The following JAG1 variants were observed in gnomAD, a reference collection of about 807,000 sequenced individuals.
JAG1 encodes the protein protein jagged-1.
JAG1 carries 23 observed loss-of-function variants against 148.7 expected under a neutral mutation model. That is an observed-to-expected ratio of 0.15 (90% confidence interval 0.11 to 0.22). The LOEUF is 0.22. Among genes scored for constraint, JAG1 ranks in the 10% least tolerant of loss-of-function variants. JAG1 has a pLI of 1.00. For synonymous variants in JAG1, 572 were observed against 598.3 expected (o/e 0.96, Z 0.64); for missense variants, 1,054 against 1,611.2 (o/e 0.65, Z 5.92).
chr20:10,656,541 A>C, intron 4 of JAG1, 83 bp from the exon 5 acceptor site: 1 of 1,198,598 alleles, frequency 8.3e-7, no homozygotes, highest in Non-Finnish European at 1.2e-6. Context: ...ATTGCATTAA[A>C]GTCTGCAAAT....
chr20:10,668,133 G>T (rs1288649087), intron 2 of JAG1, among the ~76,000 whole-genome samples: 1 of 149,332 alleles, frequency 6.7e-6, no homozygotes, highest in African/African-American at 2.5e-5. Context: ...TCACAGGGCT[G>T]CTGTGGTCCA....
rs189645892 is a variant in JAG1, at chr20:10,670,335, T to A, written c.387+2366A>T. ...TCATGCAAATGGTAATTGTGCCTGC[T>A]AGGGGTTGGGAGCCCAAGGTGGTTT... On this transcript the variant is annotated intron_variant, in intron 2 of 25. Transcript: ENST00000254958. Among the ~76,000 whole-genome samples the A allele has an allele frequency of 3.0e-3, 455 of 152,338 alleles. 1 individual carries two copies. The highest frequency in any genetic ancestry group is 0.01 in the Middle Eastern group (3 of 294).
At position 10,649,651 on chromosome 20, in the gene JAG1, GATGAGC is replaced by G; in HGVS notation, c.1235-22_1235-17del. The G allele has an allele frequency of 1.4e-6, 2 of 1,474,956 alleles. No homozygotes were observed. The highest frequency in any genetic ancestry group is 1.9e-6 in the Non-Finnish European group (2 of 1,053,758). The allele number at this position is 1,474,956 out of a possible 1,614,324, so 91.4% of individuals were successfully genotyped here. On this transcript the variant is annotated splice_polypyrimidine_tract_variant and intron_variant, in intron 9 of 25. Transcript: ENST00000254958. ...TCATTTGCATCTGAAAGGAGATGGG[GATGAGC>G]ATGAGAAATGAAGTTCAACCCCCAT...
chr20:10,664,373 A>AACCAC (rs2067437859), intron 2 of JAG1, among the ~76,000 whole-genome samples: 1 of 144,594 alleles, frequency 6.9e-6, no homozygotes, highest in South Asian at 2.3e-4. Flanking sequence ...TGCATGAGGA[A>AACCAC]ACACACACAC....
Position 10,673,535 on chromosome 20 carries a change from GCGCCGCGCGCCGCGGGCACTCGGGA to G in JAG1, c.-30_-6del. The G allele has an allele frequency of 8.1e-7, 1 of 1,238,158 alleles. No homozygotes were observed. The highest frequency in any genetic ancestry group is 1.0e-6 in the Non-Finnish European group (1 of 983,076). The allele number at this position is 1,238,158 out of a possible 1,614,324, so 76.7% of individuals were successfully genotyped here. A position where few individuals can be genotyped will look rare whatever the true frequency, so the allele number is the denominator to read the frequency against. ...GCGCGTCCGTGGGGAACGCATCGCT[GCGCCGCGCGCCGCGGGCACTCGGGA>G]CGCCGCCGCTGCTGTTCGCGCTGGT... is the stretch of plus-strand genomic sequence containing the variant. On this transcript the variant is annotated 5_prime_UTR_variant, in exon 1 of 26. Coordinates refer to ENST00000254958, the MANE Select transcript of JAG1 (RefSeq NM_000214.3). This position sits in a 1 kb window ranked among gnomAD's most constrained non-coding sequence, Gnocchi z 4.7.
chr20:10,641,621 G>A lies in JAG1; in HGVS notation c.2755C>T (p.Pro919Ser). 1 of 1,614,034 alleles carries A rather than the reference G, an allele frequency of 6.2e-7. No homozygotes were observed. The highest frequency in any genetic ancestry group is 8.5e-7 in the Non-Finnish European group (1 of 1,180,026). Residue 919 changes from proline (P) to serine (S), a missense_variant, in exon 23 of 26, where the codon CCC (proline) becomes TCC (serine). Physicochemically the swap from Pro to Ser is moderately conservative, Grantham distance 74 (BLOSUM62 -1). Around this residue, in one of 6 missense-constraint regions of JAG1, gnomAD observed 342 missense variants for 514.6 expected, o/e 0.66. Transcript: ENST00000254958. ...ACGAAGCACTGGTCGTCCAGGATGG[G>A]GATGCAGCTCTGCCCGCTGGGGCAC... ...SECPSGQSCI[P>S]ILDDQCFVHP...
chr20:10,643,866 A>G lies in JAG1; in HGVS notation c.2373-3T>C. On this transcript the variant is annotated splice_polypyrimidine_tract_variant and splice_region_variant and intron_variant, in intron 19 of 25. Coordinates refer to ENST00000254958, the MANE Select transcript of JAG1 (RefSeq NM_000214.3). ...CCACACAGGTGCCGCTGTTGTAACT[A>G]AGAAAGCAAAGACCACCTTGGTTAC... 1 of 1,612,734 alleles carries G rather than the reference A, an allele frequency of 6.2e-7. No homozygotes were observed. The highest frequency in any genetic ancestry group is 8.5e-7 in the Non-Finnish European group (1 of 1,178,974).
intron 3 of JAG1, among the ~76,000 whole-genome samples, chr20:10,660,702 G>A (rs879345466): frequency 9.2e-5 from 14 of 152,236 alleles, no homozygotes; most frequent in Admixed American, 2.6e-4. Context: ...TGCTCAGGGA[G>A]GGGGTCGAGC....
chr20:10,642,672 A>T, intron 20 of JAG1, 71 bp from the exon 21 acceptor site: 1 of 891,660 alleles, frequency 1.1e-6, no homozygotes, highest in Non-Finnish European at 1.9e-6. Flanking sequence ...TTTTATTGAC[A>T]TAACATACAA....
chr20:10,648,482 A>C, intron 12 of JAG1, 67 bp downstream of exon 12: 1 of 1,306,374 alleles, frequency 7.7e-7, no homozygotes, highest in Non-Finnish European at 1.1e-6. Context: ...GGAAAAGTAA[A>C]GGGAAGCGGA....
rs2067305420 is a variant in JAG1 at position 10,645,904 on chromosome 20, C to T, written c.1999+67G>A. Reference sequence around the variant, plus strand: ...TTCCAGTACAAAGAAAGTTTTCCCACGTTGAAGTGGGATCCCTCCAACATG... The same window carrying T: ...TTCCAGTACAAAGAAAGTTTTCCCATGTTGAAGTGGGATCCCTCCAACATG... On this transcript the variant is annotated intron_variant, in intron 15 of 25. Coordinates refer to ENST00000254958, the MANE Select transcript of JAG1 (RefSeq NM_000214.3). The surrounding 1 kb of genome is among the most constrained non-coding windows in gnomAD (Gnocchi z 6.1). 1.3e-5 allele frequency: 14 copies of T among 1,103,988 alleles called. No individual in the cohort carries two copies. The highest frequency in any genetic ancestry group is 7.1e-5 in the East Asian group (3 of 42,512). The allele number at this position is 1,103,988 out of a possible 1,614,324, so 68.4% of individuals were successfully genotyped here. A position where few individuals can be genotyped will look rare whatever the true frequency, so the allele number is the denominator to read the frequency against.
At chr20:10,640,209 T>C (rs2067260866) in intron 25 of JAG1, among the ~76,000 whole-genome samples, 1 of 152,222 alleles carries the variant, frequency 6.6e-6, no homozygotes, top group African/African-American at 2.4e-5. Context: ...CTACAGGCTC[T>C]TTGACTTCGC....
In JAG1 at chr20:10,645,313, G is replaced by T. The variant is rs781393382; in HGVS notation, c.2113+43C>A. 6.2e-7 allele frequency: 1 copy of T among 1,605,840 alleles called. No homozygotes were observed. Among genetic ancestry groups the T allele is most frequent in the South Asian group, 1.1e-5 (1 of 90,920 alleles). On this transcript the variant is annotated intron_variant, in intron 16 of 25. Coordinates refer to ENST00000254958, the MANE Select transcript of JAG1 (RefSeq NM_000214.3). This position sits in a 1 kb window ranked among gnomAD's most constrained non-coding sequence, Gnocchi z 6.1. ...TGGCCCCCTCCCACAGAAGACAGAGGGAAGGGTCCCAGAGATAGCATCCAA... is the reference window on the plus strand; with the variant it reads ...TGGCCCCCTCCCACAGAAGACAGAGTGAAGGGTCCCAGAGATAGCATCCAA...
At chr20:10,664,428 G>A (rs1406878797) in intron 2 of JAG1, among the ~76,000 whole-genome samples, 1 of 144,900 alleles carries the variant, frequency 6.9e-6, no homozygotes, top group Non-Finnish European at 1.5e-5. Context: ...TTTATTCTAA[G>A]CTAACCTAAC....
chr20:10,671,835 T>C (rs2067496875), intron 2 of JAG1, among the ~76,000 whole-genome samples: 1 of 152,278 alleles, frequency 6.6e-6, no homozygotes, highest in East Asian at 1.9e-4. Flanking sequence ...CTCGAGCTCC[T>C]TTGGGGGCGG....
In JAG1 at chr20:10,659,559, C is replaced by CTTTTTTTTTTTTTTTTTTTTTTTT. The variant is rs35826283; in HGVS notation, c.440-861_440-838dup. Among the ~76,000 whole-genome samples the CTTTTTTTTTTTTTTTTTTTTTTTT allele has an allele frequency of 2.6e-4, 27 of 105,138 alleles. 13 individuals carry two copies. The highest frequency in any genetic ancestry group is 2.2e-4 in the African/African-American group (6 of 27,194). 69.0% of individuals were successfully genotyped at this position (105,138 alleles called of 152,430 possible). On this transcript the variant is annotated intron_variant, in intron 3 of 25. Coordinates refer to ENST00000254958, the MANE Select transcript of JAG1 (RefSeq NM_000214.3). The stretch of plus-strand genomic sequence containing the variant: ...GGAAGCCAAGGAGACGATTAAGTTA[C>CTTTTTTTTTTTTTTTTTTTTTTTT]TTTTTTTTTTTTTTTTTTTTTTTTT...
intron 4 of JAG1, among the ~76,000 whole-genome samples, chr20:10,657,793 AACCACAT>A (rs776912557): frequency 2.6e-5 from 4 of 152,216 alleles, no homozygotes; most frequent in Non-Finnish European, 5.9e-5. Flanking sequence ...AGCTTGAGCT[AACCACAT>A]ACCTCTCCCC....
intron 3 of JAG1, 65 bp downstream of exon 3, chr20:10,663,898 A>G (rs1964272821): frequency 7.8e-7 from 1 of 1,287,828 alleles, no homozygotes; most frequent in African/African-American, 1.5e-5. Context: ...TCCAGCTCCA[A>G]CTGGTTGGCC....
Position 10,649,566 on chromosome 20 carries a change from T to G in JAG1, c.1304A>C (p.Tyr435Ser), listed in dbSNP as rs751928994. ...KSCKNLIASY[Y>S]CDCLPGWMGQ... ...CATCCAGCCGGGAAGACAGTCGCAG[T>G]AGTAGCTGGCAATGAGATTCTTACA... is the stretch of plus-strand genomic sequence containing the variant. Residue 435 changes from tyrosine (Y) to serine (S), a missense_variant, in exon 10 of 26, where the codon TAC becomes TCC. Around this residue, in one of 6 missense-constraint regions of JAG1, gnomAD observed 245 missense variants for 373.1 expected, o/e 0.66. Coordinates refer to ENST00000254958, the MANE Select transcript of JAG1 (RefSeq NM_000214.3). 6.2e-7 allele frequency: 1 copy of G among 1,613,714 alleles called. No individual in the cohort carries two copies. The highest frequency in any genetic ancestry group is 1.1e-5 in the South Asian group (1 of 91,070).
Sources: gnomAD v4.1 joint callset for allele counts (sites outside exome capture counted in the v4.1 genomes callset) on GRCh38, gnomAD v4.1.1 for gene constraint, gnomAD v4.1.1 regional missense constraint, Gnocchi (gnomAD v3.1) non-coding constraint, MANE v1.5 for transcripts, NCBI Gene and HGNC (gene_info 2026-07-23, HGNC 2026-07-21) for gene names.